The following GRHL2 variants were observed in gnomAD, a reference collection of about 807,000 sequenced individuals.
The protein encoded by GRHL2 is grainyhead like transcription factor 2.
GRHL2 carries 21 observed loss-of-function variants against 83.8 expected under a neutral mutation model. The observed-to-expected ratio is 0.25, with a 90% CI of 0.18 to 0.36. GRHL2 has a LOEUF of 0.36. GRHL2 is among the 10% of genes least tolerant of loss of function. The pLI, the probability that GRHL2 is intolerant of heterozygous loss-of-function variation, is 1.00. For missense variants in GRHL2, 623 were observed against 781.8 expected, an observed-to-expected ratio of 0.80 and a Z score of 2.42; for synonymous variants, 280 against 278.9, an observed-to-expected ratio of 1.00 and a Z score of -0.04.
intron 1 of GRHL2, chr8:101,528,959 C>T (rs1490463500): frequency 1.9e-5 from 6 of 311,920 alleles, no homozygotes; most frequent in African/African-American, 4.5e-5. Context: ...TACAAGCTCA[C>T]GGGTACATGG....
chr8:101,606,251 G>A (rs1812631672), intron 8 of GRHL2, among the ~76,000 whole-genome samples: 1 of 152,210 alleles, frequency 6.6e-6, no homozygotes, highest in South Asian at 2.1e-4. Context: ...CTAATCTTGG[G>A]TCTCTTTGGA....
At chr8:101,645,174 C>A (rs1813486811) in intron 13 of GRHL2, among the ~76,000 whole-genome samples, 1 of 136,832 alleles carries the variant, frequency 7.3e-6, no homozygotes, top group Non-Finnish European at 1.5e-5. Flanking sequence ...TGCTCTGTTG[C>A]CAGGCTAAAG....
intron 8 of GRHL2, among the ~76,000 whole-genome samples, chr8:101,603,915 G>C (rs1019165489): frequency 1.3e-5 from 2 of 150,772 alleles, no homozygotes; most frequent in African/African-American, 4.9e-5. Context: ...CACTGAAATG[G>C]AGTTCAGACC....
rs141872444 is a variant in GRHL2 at position 101,549,178 on chromosome 8, G to A, written c.217-3537G>A. On this transcript the variant is annotated intron_variant, in intron 2 of 15. Coordinates refer to ENST00000646743, the MANE Select transcript of GRHL2 (RefSeq NM_024915.4). The stretch of plus-strand genomic sequence containing the variant: ...GGTGGGGCATGTTCTAGGCAGAGAG[G>A]ACTTTGTGTCATGGCTCTTTTATGA... 6.6e-3 allele frequency among the ~76,000 whole-genome samples: 1,008 copies of A among 152,232 alleles called. 9 individuals are homozygous for A. Among genetic ancestry groups the A allele is most frequent in the African/African-American group, 0.023 (953 of 41,536 alleles).
intron 1 of GRHL2, among the ~76,000 whole-genome samples, chr8:101,503,014 GT>G (rs1469273685): frequency 6.6e-6 from 1 of 152,158 alleles, no homozygotes; most frequent in African/African-American, 2.4e-5. Flanking sequence ...CAAGGATAAG[GT>G]AATATATTAT....
intron 8 of GRHL2, among the ~76,000 whole-genome samples, chr8:101,608,564 T>G (rs1171096303): frequency 6.7e-6 from 1 of 150,102 alleles, no homozygotes; most frequent in East Asian, 1.9e-4. Flanking sequence ...GATAAAGTGC[T>G]AGAAGAGGTC....
chr8:101,617,182 ATG>A (rs1210862466), intron 8 of GRHL2, among the ~76,000 whole-genome samples: 1 of 151,708 alleles, frequency 6.6e-6, no homozygotes, highest in Non-Finnish European at 1.5e-5. Flanking sequence ...AGTTTGCTAG[ATG>A]TGTTGGCATA....
chr8:101,612,145 A>G (rs2130350371), intron 8 of GRHL2, among the ~76,000 whole-genome samples: 1 of 150,972 alleles, frequency 6.6e-6, no homozygotes, highest in South Asian at 2.1e-4. Flanking sequence ...ATGTACCACC[A>G]TGCCCGGCTT....
At chr8:101,499,080 A>G (rs1810169208) in intron 1 of GRHL2, among the ~76,000 whole-genome samples, 1 of 152,062 alleles carries the variant, frequency 6.6e-6, no homozygotes, top group African/African-American at 2.4e-5. Flanking sequence ...CTCAAAAAAA[A>G]AAAAAAAAGT....
intron 14 of GRHL2, among the ~76,000 whole-genome samples, chr8:101,652,401 G>GTGTGTGGTGTGTGTGTT (rs1563626984): frequency 1.6e-5 from 1 of 62,292 alleles, no homozygotes; most frequent in African/African-American, 9.3e-5. Context: ...GTGTGTGTCT[G>GTGTGTGGTGTGTGTGTT]GTGTGTGTGT....
At chr8:101,657,246 T>C (rs1328857847) in intron 14 of GRHL2, among the ~76,000 whole-genome samples, 2 of 152,188 alleles carry the variant, frequency 1.3e-5, no homozygotes, top group Non-Finnish European at 2.9e-5. Context: ...TAAACGTAAT[T>C]GACTTCCAGA....
chr8:101,506,949 C>T (rs980926753), intron 1 of GRHL2, among the ~76,000 whole-genome samples: 1 of 151,918 alleles, frequency 6.6e-6, no homozygotes, highest in African/African-American at 2.4e-5. Flanking sequence ...CTGGCTACTA[C>T]CTATGATTGT....
In GRHL2 at chr8:101,619,545, A is replaced by G. The variant is rs745932717; in HGVS notation, c.1105A>G (p.Ile369Val). The change falls in exon 9 of 16, where the codon ATC becomes GTC. Residue 369 changes from isoleucine to valine, a missense_variant. This residue lies in a region of GRHL2 where 96 missense variants were observed against 144.8 expected (regional missense o/e 0.66). Coordinates refer to ENST00000646743, the MANE Select transcript of GRHL2 (RefSeq NM_024915.4). ...TTCTTTCTCTTTCCCTCAGATTTTC[A>G]TCACCGTGAATTGCTTGAGCACAGA... is the stretch of plus-strand genomic sequence containing the variant. ...WDVNEEAKIFITVNCLSTDFS... is the reference protein window; with the variant it reads ...WDVNEEAKIFVTVNCLSTDFS... 14 of 1,613,556 alleles carry G rather than the reference A, an allele frequency of 8.7e-6. No individual in the cohort carries two copies. The highest frequency in any genetic ancestry group is 1.3e-5 in the African/African-American group (1 of 74,858).
chr8:101,592,873 T>C lies in GRHL2; in HGVS notation c.1004-6184T>C, dbSNP rs16867948. On this transcript the variant is annotated intron_variant, in intron 7 of 15. Transcript: ENST00000646743. ...TTTTGGCTATATCTCTGGCAGCACATGACATTAACAATGAGATTAAGTTCA... is the reference window on the plus strand; with the variant it reads ...TTTTGGCTATATCTCTGGCAGCACACGACATTAACAATGAGATTAAGTTCA... 8.3e-3 allele frequency among the ~76,000 whole-genome samples: 1,262 copies of C among 152,320 alleles called. 16 individuals are homozygous for C. Among genetic ancestry groups the C allele is most frequent in the African/African-American group, 0.028 (1,172 of 41,568 alleles).
rs570931376 is a variant in GRHL2 at position 101,627,016 on chromosome 8, A to C, written c.1258-4621A>C. Among the ~76,000 whole-genome samples the C allele has an allele frequency of 4.6e-5, 7 of 152,136 alleles. No individual in the cohort carries two copies. In the South Asian group the frequency reaches 1.5e-3, roughly 32 times the overall value. ...GATAGCTGGGCATTCTGGGCAGGAA[A>C]TTTCTTTTGTAGAAGGGCCACCATC... is the stretch of plus-strand genomic sequence containing the variant. On this transcript the variant is annotated intron_variant, in intron 9 of 15. Coordinates refer to ENST00000646743, the MANE Select transcript of GRHL2 (RefSeq NM_024915.4).
chr8:101,543,179 T>G lies in GRHL2; in HGVS notation c.21-62T>G, dbSNP rs1351432896. On this transcript the variant is annotated intron_variant, in intron 1 of 15. Coordinates refer to ENST00000646743, the MANE Select transcript of GRHL2 (RefSeq NM_024915.4). ...GTTTGTAGTCATGTAATATGTATAT[T>G]ATTAGGGGTAAAAAATTTGCTCTCT... The G allele has an allele frequency of 6.0e-6, 7 of 1,171,772 alleles. No homozygotes were observed. The African/African-American group carries it at 7.5e-5, about 13-fold the overall frequency. The allele number at this position is 1,171,772 out of a possible 1,614,324, so 72.6% of individuals were successfully genotyped here. A position where few individuals can be genotyped will look rare whatever the true frequency, so the allele number is the denominator to read the frequency against.
intron 12 of GRHL2, among the ~76,000 whole-genome samples, chr8:101,637,893 T>A (rs1245122236): frequency 6.6e-6 from 1 of 152,214 alleles, no homozygotes; most frequent in Admixed American, 6.5e-5. Flanking sequence ...CTGTTCTTGG[T>A]AAAATACAGT....
chr8:101,492,557 G>C lies in GRHL2; in HGVS notation c.-213G>C. On this transcript the variant is annotated 5_prime_UTR_variant, in exon 1 of 16. Coordinates refer to ENST00000646743, the MANE Select transcript of GRHL2 (RefSeq NM_024915.4). Reference sequence around the variant, plus strand: ...CTCCGAGCTCGGGCCCCATGTGAGGGGCCCCCCCTTATCCCACCTTTCCGG... The same window carrying C: ...CTCCGAGCTCGGGCCCCATGTGAGGCGCCCCCCCTTATCCCACCTTTCCGG... 2 of 654,056 alleles carry C rather than the reference G, an allele frequency of 3.1e-6. No individual in the cohort carries two copies. Among genetic ancestry groups the C allele is most frequent in the Non-Finnish European group, 2.8e-6 (1 of 358,048 alleles). The allele number at this position is 654,056 out of a possible 1,614,324, so 40.5% of individuals were successfully genotyped here.
chr8:101,632,494 T>A, intron 11 of GRHL2, 129 bp downstream of exon 11: 5 of 1,102,578 alleles, frequency 4.5e-6, no homozygotes, highest in South Asian at 1.3e-5. Context: ...AAAAAGTCAA[T>A]GTCATTCCCT....
Sources: gnomAD v4.1 joint callset for allele counts (sites outside exome capture counted in the v4.1 genomes callset) on GRCh38, gnomAD v4.1.1 for gene constraint, gnomAD v4.1.1 regional missense constraint, MANE v1.5 for transcripts, NCBI Gene and HGNC (gene_info 2026-07-23, HGNC 2026-07-21) for gene names.